APBA2: variants seen among roughly 807,000 people sequenced by gnomAD.
The protein encoded by APBA2 is amyloid-beta A4 precursor protein-binding family A member 2.
APBA2 carries 30 observed loss-of-function variants against 75.0 expected under a neutral mutation model. That is an observed-to-expected ratio of 0.40 (90% CI 0.30 to 0.54). APBA2 has a LOEUF of 0.54. APBA2 is among the 20% of genes least tolerant of loss of function. The probability of loss-of-function intolerance (pLI) is 0.49; values close to 1 mark genes in which losing one functional copy is unlikely to be tolerated. For missense variants in APBA2, 801 were observed against 1,016.1 expected (o/e 0.79, Z 2.88); for synonymous variants, 444 against 409.6 (o/e 1.08, Z -1.01).
At chr15:29,062,839 T>C (rs115635607) in intron 4 of APBA2, among the ~76,000 whole-genome samples, 2,302 of 152,234 alleles carry the variant, frequency 0.015, 73 homozygotes, top group African/African-American at 0.053. Context: ...TGCAGCAGCT[T>C]GGGGCCCGGG....
intron 1 of APBA2, among the ~76,000 whole-genome samples, chr15:28,903,675 C>G (rs181474079): frequency 2.3e-4 from 35 of 152,286 alleles, no homozygotes; most frequent in Admixed American, 9.1e-4. Flanking sequence ...TTCCTGGGAC[C>G]CCACTGCCTC....
rs1409851814 is a variant in APBA2 at position 28,960,901 on chromosome 15, A to G, written c.-94-34852A>G. ...CAGCCTCCCGAGTAGCTGGGATTAC[A>G]GGCGTGCACCACCATGCCTGGCTAA... is the stretch of plus-strand genomic sequence containing the variant. On this transcript the variant is annotated intron_variant, in intron 2 of 14. Transcript: ENST00000683413. 2.0e-5 allele frequency among the ~76,000 whole-genome samples: 3 copies of G among 151,814 alleles called. No homozygotes were observed. The East Asian group carries it at 5.8e-4, about 30-fold the overall frequency.
chr15:29,021,636 G>A (rs556771017), intron 3 of APBA2, among the ~76,000 whole-genome samples: 1 of 152,154 alleles, frequency 6.6e-6, no homozygotes, highest in Non-Finnish European at 1.5e-5. Flanking sequence ...TTACGATGAT[G>A]ATGATTTGTG....
intron 10 of APBA2, 21 bp downstream of exon 10, chr15:29,101,805 G>A: frequency 6.2e-7 from 1 of 1,609,134 alleles, no homozygotes; most frequent in Non-Finnish European, 8.5e-7. Context: ...CCTTGCCAGG[G>A]CACTCCCCTC....
chr15:28,887,228 C>A (rs987078481), intron 1 of APBA2, among the ~76,000 whole-genome samples: 3 of 152,230 alleles, frequency 2.0e-5, no homozygotes, highest in African/African-American at 7.2e-5. Context: ...GGGTGAGGCA[C>A]CCCGAACTCG....
rs187274853 is a variant in APBA2 at position 28,970,116 on chromosome 15, G to A, written c.-94-25637G>A. 187 of 152,180 alleles carry A rather than the reference G, an allele frequency of 1.2e-3. 1 individual carries two copies. The highest frequency in any genetic ancestry group is 4.3e-3 in the African/African-American group (177 of 41,512). 9.4% of individuals were successfully genotyped at this position (152,180 alleles called of 1,614,324 possible). A position where few individuals can be genotyped will look rare whatever the true frequency, so the allele number is the denominator to read the frequency against. On this transcript the variant is annotated intron_variant, in intron 2 of 14. Coordinates refer to ENST00000683413, the MANE Select transcript of APBA2 (RefSeq NM_001353788.2). ...CCCATGATGCTGCAAAAACCAAATA[G>A]TGCAGCACACACCCCACAGCCCGAA...
Position 29,074,994 on chromosome 15 carries a change from T to A in APBA2, c.1025T>A (p.Ile342Asn), listed in dbSNP as rs376471096. ...DLNGPVDNNN[I>N]PETKKVASFP... ...AATGGACCTGTTGACAATAACAACA[T>A]TCCAGAGGTAATTTTTTTCAAGGAT... is the stretch of plus-strand genomic sequence containing the variant. Residue 342 changes from isoleucine to asparagine, a missense_variant, in exon 5 of 15, where the codon ATT becomes AAT. Ile to Asn is a moderately radical substitution (Grantham distance 149, BLOSUM62 -3). This residue lies in a region of APBA2 where 434 missense variants were observed against 471.6 expected (regional missense o/e 0.92). Transcript: ENST00000683413. The A allele has an allele frequency of 6.2e-7, 1 of 1,613,462 alleles. No homozygotes were observed. Among genetic ancestry groups the A allele is most frequent in the African/African-American group, 1.3e-5 (1 of 74,924 alleles).
chr15:29,035,554 A>G (rs1367712628), intron 3 of APBA2, among the ~76,000 whole-genome samples: 1 of 152,064 alleles, frequency 6.6e-6, no homozygotes, highest in Non-Finnish European at 1.5e-5. Flanking sequence ...GATTAACTGT[A>G]GTCTGTCTCA....
intron 2 of APBA2, among the ~76,000 whole-genome samples, chr15:28,967,791 A>G (rs541804677): frequency 6.6e-6 from 1 of 152,310 alleles, no homozygotes; most frequent in African/African-American, 2.4e-5. Flanking sequence ...TTGTGGCAAG[A>G]GATACATACA....
rs781428135 is a variant in APBA2, at chr15:29,108,397, C to T, written c.2037+8C>T. On this transcript the variant is annotated splice_region_variant and intron_variant, in intron 13 of 14. Transcript: ENST00000683413. ...AGCGTGCAGAATGGAATTGTGAGTT[C>T]CCCCTCCTGCTCTGGGCCACCACCA... The T allele has an allele frequency of 5.0e-6, 8 of 1,613,834 alleles. No individual in the cohort carries two copies. The South Asian group carries it at 7.7e-5, about 16-fold the overall frequency.
Position 29,100,193 on chromosome 15 carries a change from C to T in APBA2, c.1339-1406C>T, listed in dbSNP as rs181300987. On this transcript the variant is annotated intron_variant, in intron 9 of 14. Transcript: ENST00000683413. ...CTGGGGAAGGAACATGTTTCTGACA[C>T]CTGGGGATTGATTCAGGCATTTATG... is the stretch of plus-strand genomic sequence containing the variant. Among the ~76,000 whole-genome samples, 234 of 152,274 alleles carry T rather than the reference C, an allele frequency of 1.5e-3. 1 individual carries two copies. Among genetic ancestry groups the T allele is most frequent in the African/African-American group, 5.4e-3 (225 of 41,560 alleles).
At chr15:28,914,557 G>C (rs2033577903) in intron 1 of APBA2, among the ~76,000 whole-genome samples, 2 of 152,140 alleles carry the variant, frequency 1.3e-5, no homozygotes, top group African/African-American at 4.8e-5. Flanking sequence ...GCTACAAGCT[G>C]CTCCTCCTCC....
chr15:28,967,805 G>T (rs2036821617), intron 2 of APBA2, among the ~76,000 whole-genome samples: 1 of 152,096 alleles, frequency 6.6e-6, no homozygotes, highest in Non-Finnish European at 1.5e-5. Flanking sequence ...ACATACAAAT[G>T]TATCATCTTA....
intron 3 of APBA2, among the ~76,000 whole-genome samples, chr15:29,030,393 C>T (rs1194051381): frequency 1.3e-5 from 2 of 151,920 alleles, no homozygotes; most frequent in African/African-American, 2.4e-5. Context: ...ACCCGGGAGG[C>T]GGAGCTTGCA....
At chr15:28,909,630 C>T (rs570541467) in intron 1 of APBA2, among the ~76,000 whole-genome samples, 2 of 152,282 alleles carry the variant, frequency 1.3e-5, no homozygotes, top group South Asian at 4.1e-4. Flanking sequence ...CATCCTGCAT[C>T]GAGCTGGATG....
At chr15:29,080,983 C>T (rs1354901467) in intron 6 of APBA2, among the ~76,000 whole-genome samples, 1 of 152,190 alleles carries the variant, frequency 6.6e-6, no homozygotes, top group African/African-American at 2.4e-5. Flanking sequence ...TCCTGGGGTC[C>T]TTTACAGCCT....
intron 3 of APBA2, among the ~76,000 whole-genome samples, chr15:29,038,699 A>G (rs2152858057): frequency 7.1e-6 from 1 of 141,368 alleles, no homozygotes; most frequent in African/African-American, 2.7e-5. Context: ...TCTGAGACGA[A>G]GTCTCACTCT....
At chr15:29,009,749 C>G (rs572085374) in intron 3 of APBA2, among the ~76,000 whole-genome samples, 182 of 152,184 alleles carry the variant, frequency 1.2e-3, no homozygotes, top group Non-Finnish European at 2.4e-3. Context: ...GGTGGTGTGA[C>G]AGTAGTTCAT....
chr15:29,049,153 G>T (rs1182758186), intron 3 of APBA2, among the ~76,000 whole-genome samples: 1 of 152,088 alleles, frequency 6.6e-6, no homozygotes, highest in Non-Finnish European at 1.5e-5. Context: ...GCTGTATATT[G>T]GAATCACCTG....
Sources: gnomAD v4.1 joint callset for allele counts (sites outside exome capture counted in the v4.1 genomes callset) on GRCh38, gnomAD v4.1.1 for gene constraint, gnomAD v4.1.1 regional missense constraint, MANE v1.5 for transcripts, NCBI Gene and HGNC (gene_info 2026-07-23, HGNC 2026-07-21) for gene names.